Variants in PPARG observed in about 807,000 individuals in gnomAD.
PPARG encodes peroxisome proliferator-activated receptor gamma.
PPARG carries 17 observed loss-of-function variants against 39.2 expected under a neutral mutation model. The observed-to-expected ratio is 0.43, with a 90% confidence interval of 0.30 to 0.65. The LOEUF is 0.65. Among genes scored for constraint, PPARG ranks in the 30% least tolerant of loss-of-function variants. PPARG has a pLI of 0.13. For synonymous variants in PPARG, 223 were observed against 215.7 expected (o/e 1.03, Z -0.30); for missense variants, 406 against 585.9 (o/e 0.69, Z 3.17).
intron 4 of PPARG, among the ~76,000 whole-genome samples, chr3:12,382,626 G>A (rs960443608): frequency 5.9e-5 from 9 of 152,120 alleles, no homozygotes; most frequent in Non-Finnish European, 1.0e-4. Flanking sequence ...ATGAGGTAAC[G>A]TTTTCATACA....
intron 2 of PPARG, among the ~76,000 whole-genome samples, chr3:12,375,874 A>G (rs1224576797): frequency 2.0e-5 from 3 of 152,092 alleles, no homozygotes; most frequent in African/African-American, 7.2e-5. Context: ...ATGTGAACCC[A>G]TACGGTACCT....
At chr3:12,420,653 G>C (rs1368646144) in intron 7 of PPARG, among the ~76,000 whole-genome samples, 1 of 152,194 alleles carries the variant, frequency 6.6e-6, no homozygotes, top group African/African-American at 2.4e-5. Context: ...GGATTAATGG[G>C]GGTGTCCCTA....
intron 2 of PPARG, among the ~76,000 whole-genome samples, chr3:12,338,049 A>G (rs528692367): frequency 1.3e-5 from 2 of 152,342 alleles, no homozygotes; most frequent in East Asian, 3.9e-4. Context: ...TCTTAAAGTT[A>G]GCTAAAACAT....
At chr3:12,351,562 G>T (rs1198895389) in intron 2 of PPARG, 1 of 1,501,796 alleles carries the variant, frequency 6.7e-7, no homozygotes, top group Middle Eastern at 1.7e-4. Context: ...ATATCAGTGT[G>T]AATTACAGCA....
At chr3:12,386,723 T>A (rs1263919560) in intron 4 of PPARG, among the ~76,000 whole-genome samples, 1 of 152,166 alleles carries the variant, frequency 6.6e-6, no homozygotes, top group Admixed American at 6.6e-5. Context: ...CTTTTCTTTT[T>A]TTTATTATTC....
In PPARG at chr3:12,341,437, T is replaced by C. The variant is rs550996184; in HGVS notation, c.-9+28984T>C. The stretch of plus-strand genomic sequence containing the variant: ...AAAAGAGAACAAATTAAACAAGCAG[T>C]CTTCCTTTCTTGTAGGAACTGTATT... On this transcript the variant is annotated intron_variant, in intron 2 of 7. Coordinates refer to ENST00000651735, the MANE Select transcript of PPARG (RefSeq NM_138711.6). Among the ~76,000 whole-genome samples the C allele has an allele frequency of 3.9e-5, 6 of 152,318 alleles. No homozygotes were observed. In the South Asian group the frequency reaches 1.2e-3, roughly 32 times the overall value.
intron 2 of PPARG, among the ~76,000 whole-genome samples, chr3:12,334,967 G>C: frequency 6.6e-6 from 1 of 152,170 alleles, no homozygotes; most frequent in East Asian, 1.9e-4. Context: ...ACTGTCTTCA[G>C]ACTGGCCTCC....
At chr3:12,383,434 TTTA>T (rs1171763100) in intron 4 of PPARG, among the ~76,000 whole-genome samples, 2 of 152,172 alleles carry the variant, frequency 1.3e-5, no homozygotes, top group Non-Finnish European at 2.9e-5. Flanking sequence ...GTTTTGTGGT[TTTA>T]TTGAGTTTTA....
At chr3:12,348,542 T>G (rs867984150) in intron 2 of PPARG, among the ~76,000 whole-genome samples, 3 of 152,234 alleles carry the variant, frequency 2.0e-5, no homozygotes, top group Admixed American at 6.5e-5. Context: ...TCCCCATTCT[T>G]TCTCCTGCTG....
At chr3:12,408,503 G>A (rs898119794) in intron 6 of PPARG, among the ~76,000 whole-genome samples, 1 of 150,586 alleles carries the variant, frequency 6.6e-6, no homozygotes, top group Non-Finnish European at 1.5e-5. Flanking sequence ...AAGGATTGCT[G>A]AAAAGGAAAG....
intron 2 of PPARG, among the ~76,000 whole-genome samples, chr3:12,343,859 G>A (rs1456034722): frequency 3.9e-5 from 4 of 101,810 alleles, no homozygotes; most frequent in East Asian, 2.3e-4. Flanking sequence ...CAATCTCACC[G>A]AATTTTTTTT....
At chr3:12,353,361 A>G (rs749690879) in intron 2 of PPARG, among the ~76,000 whole-genome samples, 1 of 152,234 alleles carries the variant, frequency 6.6e-6, no homozygotes, top group Non-Finnish European at 1.5e-5. Context: ...CCCAAGACCT[A>G]TGATTGTTAC....
intron 5 of PPARG, chr3:12,399,485 G>C (rs1360315630): frequency 4.6e-6 from 2 of 435,032 alleles, no homozygotes; most frequent in Non-Finnish European, 9.2e-6. Context: ...TACTCAGGAG[G>C]CTGAGGTAGG....
intron 7 of PPARG, among the ~76,000 whole-genome samples, chr3:12,420,590 G>A (rs1323786173): frequency 6.6e-6 from 1 of 152,102 alleles, no homozygotes; most frequent in Admixed American, 6.5e-5. Context: ...CAGACTAAAA[G>A]AAAGATGAGC....
intron 2 of PPARG, among the ~76,000 whole-genome samples, chr3:12,350,380 T>C (rs990004612): frequency 4.6e-5 from 7 of 152,222 alleles, no homozygotes; most frequent in African/African-American, 1.7e-4. Context: ...GGGACACTTT[T>C]ACTAGTCCCC....
intron 2 of PPARG, among the ~76,000 whole-genome samples, chr3:12,324,655 G>T (rs1284753705): frequency 1.3e-5 from 2 of 152,112 alleles, no homozygotes; most frequent in Non-Finnish European, 2.9e-5. Context: ...GAATGGAGCA[G>T]CCTTGATCTT....
At chr3:12,334,944 T>C (rs997569798) in intron 2 of PPARG, among the ~76,000 whole-genome samples, 9 of 152,226 alleles carry the variant, frequency 5.9e-5, no homozygotes, top group African/African-American at 9.6e-5. Context: ...GACTACGGAT[T>C]TAAGTAGCAT....
chr3:12,326,534 A>G (rs749459594), intron 2 of PPARG, among the ~76,000 whole-genome samples: 10 of 152,218 alleles, frequency 6.6e-5, no homozygotes, highest in Non-Finnish European at 2.9e-5. Flanking sequence ...ACAGTTTTAC[A>G]TAGCGCTGTT....
In PPARG at chr3:12,374,256, A is replaced by C. The variant is rs1316725230; in HGVS notation, c.-8-5448A>C. ...GGGGTATGTTTGGGGCAGTGAAACT[A>C]TTCTGTGTGATCCTCTAATGAATGC... On this transcript the variant is annotated intron_variant, in intron 2 of 7. Coordinates refer to ENST00000651735, the MANE Select transcript of PPARG (RefSeq NM_138711.6). Among the ~76,000 whole-genome samples the C allele has an allele frequency of 3.3e-5, 5 of 152,100 alleles. No homozygotes were observed. In the South Asian group the frequency reaches 1.0e-3, roughly 31 times the overall value.
Sources: allele counts gnomAD v4.1 joint callset (sites outside exome capture counted in the v4.1 genomes callset), GRCh38; gene constraint gnomAD v4.1.1; transcripts MANE v1.5; gene names NCBI Gene and HGNC (gene_info 2026-07-23, HGNC 2026-07-21).